EDARADD: variants seen among roughly 807,000 people sequenced by gnomAD.
The protein encoded by EDARADD is EDAR associated via death domain, also known as ectodysplasin-A receptor-associated adapter protein.
EDARADD carries 20 observed loss-of-function variants against 25.6 expected under a neutral mutation model. That is an observed-to-expected ratio of 0.78 (90% CI 0.55 to 1.14). The LOEUF (loss-of-function observed/expected upper bound fraction) is 1.14, where lower values mean the gene tolerates loss of function less well. Among genes scored for constraint, EDARADD ranks in the 50% most tolerant of loss-of-function variants. The pLI is 0.00. For missense variants in EDARADD, 225 were observed against 270.1 expected (o/e 0.83, Z 1.17); for synonymous variants, 86 against 94.4 (o/e 0.91, Z 0.52).
chr1:236,466,136 TTC>T (rs1473170760), intron 4 of EDARADD, among the ~76,000 whole-genome samples: 1 of 152,200 alleles, frequency 6.6e-6, no homozygotes, highest in Non-Finnish European at 1.5e-5. Context: ...AAGTTCCTGT[TTC>T]TGTTTCCTCA....
intron 4 of EDARADD, among the ~76,000 whole-genome samples, chr1:236,441,324 GTATATAAATATAAAA>G (rs1050139487): frequency 2.1e-5 from 3 of 141,096 alleles, no homozygotes; most frequent in Non-Finnish European, 4.6e-5. Context: ...ATATATAAAT[GTATATAAATATAAAA>G]TATATAAATA....
chr1:236,387,166 C>T (rs1247476965), intron 3 of EDARADD, among the ~76,000 whole-genome samples: 14 of 67,314 alleles, frequency 2.1e-4, no homozygotes, highest in Admixed American at 4.0e-4. Context: ...GCCCCCCGCC[C>T]GGCCAGCCGC....
chr1:236,405,890 T>C (rs1396866135), intron 1 of EDARADD, among the ~76,000 whole-genome samples: 1,113 of 35,340 alleles, frequency 0.031, 4 homozygotes, highest in African/African-American at 0.038. Context: ...TCTTTCTTTC[T>C]TTCTTTCTTT....
intron 3 of EDARADD, among the ~76,000 whole-genome samples, chr1:236,422,383 T>C (rs865981362): frequency 6.6e-6 from 1 of 152,146 alleles, no homozygotes; most frequent in African/African-American, 2.4e-5. Flanking sequence ...TTATTTATAG[T>C]TTGGGTGTAT....
chr1:236,420,464 C>G (rs1014760473), intron 3 of EDARADD, among the ~76,000 whole-genome samples: 3 of 152,166 alleles, frequency 2.0e-5, no homozygotes, highest in Non-Finnish European at 4.4e-5. Flanking sequence ...ACCATCTTCA[C>G]CACAGGTGGG....
intron 4 of EDARADD, among the ~76,000 whole-genome samples, chr1:236,449,926 C>T (rs998595245): frequency 3.9e-5 from 6 of 152,104 alleles, no homozygotes; most frequent in Admixed American, 6.6e-5. Flanking sequence ...CATGGCGAAA[C>T]CCCGTTTCTA....
intron 5 of EDARADD, among the ~76,000 whole-genome samples, chr1:236,471,153 A>G (rs1659348602): frequency 1.3e-5 from 2 of 152,164 alleles, no homozygotes; most frequent in Admixed American, 1.3e-4. Flanking sequence ...ACTTGCCTGG[A>G]TCCACCCAAC....
chr1:236,477,331 G>C (rs605110), intron 5 of EDARADD, among the ~76,000 whole-genome samples: 101,234 of 151,870 alleles, frequency 0.67, 34,043 homozygotes, highest in Non-Finnish European at 0.7. Flanking sequence ...CTGGCTAACA[G>C]AGTGAAACCC....
At chr1:236,460,426 T>A (rs1659007775) in intron 4 of EDARADD, among the ~76,000 whole-genome samples, 1 of 151,986 alleles carries the variant, frequency 6.6e-6, no homozygotes, top group Non-Finnish European at 1.5e-5. Context: ...GCTCAGACAA[T>A]CCACCCACCT....
chr1:236,374,550 TTC>T (rs1667204883), intron 3 of EDARADD, among the ~76,000 whole-genome samples: 1 of 152,204 alleles, frequency 6.6e-6, no homozygotes, highest in Admixed American at 6.5e-5. Context: ...CTCCTTGCAC[TTC>T]TGTCTGTTTT....
At chr1:236,417,962 C>CTCT (rs1657682574) in intron 3 of EDARADD, among the ~76,000 whole-genome samples, 3 of 139,426 alleles carry the variant, frequency 2.2e-5, no homozygotes, top group African/African-American at 5.4e-5. Context: ...TTCTTTTTTT[C>CTCT]TTTTTTTTTG....
chr1:236,376,116 G>A (rs1290645636), intron 3 of EDARADD, among the ~76,000 whole-genome samples: 1 of 151,814 alleles, frequency 6.6e-6, no homozygotes, highest in East Asian at 1.9e-4. Flanking sequence ...TGTATTTTTA[G>A]TAGAGACGGG....
intron 3 of EDARADD, among the ~76,000 whole-genome samples, chr1:236,365,149 C>CA (rs57920823): frequency 0.016 from 2,384 of 150,218 alleles, 62 homozygotes; most frequent in African/African-American, 0.055. Flanking sequence ...GTTTTCTTTT[C>CA]TTTTTTTTTT....
intron 5 of EDARADD, among the ~76,000 whole-genome samples, chr1:236,473,880 C>A (rs369473984): frequency 6.6e-5 from 10 of 152,210 alleles, no homozygotes; most frequent in South Asian, 4.1e-4. Context: ...ATCGAGCCTC[C>A]CCTTCAGCCT....
chr1:236,461,976 T>A (rs905601319), intron 4 of EDARADD, among the ~76,000 whole-genome samples: 6 of 152,120 alleles, frequency 3.9e-5, no homozygotes, highest in African/African-American at 1.4e-4. Flanking sequence ...AAGATCTAAT[T>A]GGCTTTTAAT....
At chr1:236,371,439 C>T (rs1460855865) in intron 3 of EDARADD, among the ~76,000 whole-genome samples, 2 of 151,980 alleles carry the variant, frequency 1.3e-5, no homozygotes, top group Non-Finnish European at 2.9e-5. Context: ...GTCTTATTGC[C>T]TTAGCTTGGA....
chr1:236,415,139 C>T (rs1370857178), intron 3 of EDARADD, among the ~76,000 whole-genome samples: 1 of 152,266 alleles, frequency 6.6e-6, no homozygotes, highest in African/African-American at 2.4e-5. Flanking sequence ...GTGATTGTGG[C>T]AGTTCAGGTC....
At chr1:236,389,826 A>G (rs1295665614), upstream of EDARADD, among the ~76,000 whole-genome samples, 1 of 151,942 alleles carries the variant, frequency 6.6e-6, no homozygotes, top group Non-Finnish European at 1.5e-5. Flanking sequence ...ATGTAGTGAG[A>G]CTCCTGTCTC....
intron 2 of EDARADD, among the ~76,000 whole-genome samples, chr1:236,412,080 A>G (rs956428212): frequency 2.0e-5 from 3 of 152,174 alleles, no homozygotes; most frequent in African/African-American, 7.2e-5. Context: ...GAGGTCCTCC[A>G]TGGCCTTACC....
Sources: allele counts gnomAD v4.1 joint callset (sites outside exome capture counted in the v4.1 genomes callset), GRCh38; gene constraint gnomAD v4.1.1; transcripts MANE v1.5; gene names NCBI Gene and HGNC (gene_info 2026-07-23, HGNC 2026-07-21).